SCAPER: variants seen among roughly 807,000 people sequenced by gnomAD.
SCAPER encodes S-phase cyclin A associated protein in the ER, also known as S phase cyclin A-associated protein in the endoplasmic reticulum.
In SCAPER, 98 loss-of-function variants were observed where a neutral mutation model predicts 182.2. That is an observed-to-expected ratio of 0.54 (90% CI 0.46 to 0.64). SCAPER has a LOEUF of 0.64. SCAPER is among the 30% of genes least tolerant of loss of function. The pLI, the probability that SCAPER is intolerant of heterozygous loss-of-function variation, is 0.00. For missense variants in SCAPER, 1,432 were observed against 1,690.0 expected, an observed-to-expected ratio of 0.85 and a Z score of 2.68; for synonymous variants, 605 against 564.6, an observed-to-expected ratio of 1.07 and a Z score of -1.01.
chr15:76,404,627 C>T lies in SCAPER; in HGVS notation c.3364G>A (p.Val1122Met). 6.2e-7 allele frequency: 1 copy of T among 1,613,372 alleles called. No homozygotes were observed. Among genetic ancestry groups the T allele is most frequent in the Non-Finnish European group, 8.5e-7 (1 of 1,179,772 alleles). The change falls in exon 27 of 32, where the codon GTG (valine) becomes ATG (methionine). Residue 1122 changes from valine (V) to methionine (M), a missense_variant. This residue lies in a region of SCAPER where 718 missense variants were observed against 799.7 expected (regional missense o/e 0.90). Transcript: ENST00000563290. The part of the protein sequence containing the change: ...IDKLCACFLS[V>M]QGPVDENPKM... ...GGATTCTCATCCACTGGGCCTTGCACCGAGAGGAAGCAGGCACACAGTTTG... is the reference window on the plus strand; with the variant it reads ...GGATTCTCATCCACTGGGCCTTGCATCGAGAGGAAGCAGGCACACAGTTTG...
At chr15:76,818,225 A>G (rs1008873150) in intron 5 of SCAPER, among the ~76,000 whole-genome samples, 4 of 152,246 alleles carry the variant, frequency 2.6e-5, no homozygotes, top group African/African-American at 9.6e-5. Context: ...ATGATGCTAG[A>G]ATAAATGGGA....
chr15:76,613,524 C>T (rs964483830), intron 22 of SCAPER, among the ~76,000 whole-genome samples: 24 of 151,938 alleles, frequency 1.6e-4, no homozygotes, highest in African/African-American at 5.8e-4. Flanking sequence ...AACTATGCAT[C>T]TAACAAAATA....
chr15:76,855,457 CAAAAAA>C (rs34226154), intron 4 of SCAPER, among the ~76,000 whole-genome samples: 45,772 of 116,604 alleles, frequency 0.39, 8,243 homozygotes, highest in Middle Eastern at 0.6. Flanking sequence ...TTCTGCACAG[CAAAAAA>C]AAAAAAAAAA....
intron 23 of SCAPER, among the ~76,000 whole-genome samples, chr15:76,520,295 T>C (rs951384374): frequency 6.6e-6 from 1 of 152,230 alleles, no homozygotes; most frequent in African/African-American, 2.4e-5. Context: ...CATAGGTCAC[T>C]GCAGCCTCCA....
intron 22 of SCAPER, among the ~76,000 whole-genome samples, chr15:76,599,512 A>G (rs1237096549): frequency 8.2e-6 from 1 of 122,408 alleles, no homozygotes; most frequent in South Asian, 2.5e-4. Flanking sequence ...AAACAAATCA[A>G]GGCTACATTT....
intron 17 of SCAPER, among the ~76,000 whole-genome samples, chr15:76,716,772 A>C (rs2059907988): frequency 6.6e-6 from 1 of 152,118 alleles, no homozygotes; most frequent in Non-Finnish European, 1.5e-5. Context: ...GAATGAAGAG[A>C]GCCTATGGGA....
At chr15:76,633,723 G>A (rs1163825703) in intron 21 of SCAPER, among the ~76,000 whole-genome samples, 2 of 152,198 alleles carry the variant, frequency 1.3e-5, no homozygotes, top group Non-Finnish European at 2.9e-5. Context: ...CAGCCACTGT[G>A]CTGCACTGTG....
In SCAPER at chr15:76,765,627, G is replaced by A. The variant is rs2063064958; in HGVS notation, c.1431C>T (p.Gly477=). ...DNDSDFSASM[G]SGSVSFCGMS... is the part of the protein sequence containing the mutation. ...TACCACAGAAAGAAACACTCCCACT[G>A]CCCATGCTGGCCTAAAATGTAATAA... The change falls in exon 12 of 32, where the codon GGC becomes GGT. Residue 477 remains glycine, a synonymous_variant. Coordinates refer to ENST00000563290, the MANE Select transcript of SCAPER (RefSeq NM_020843.4). The A allele has an allele frequency of 1.3e-6, 2 of 1,576,756 alleles. No homozygotes were observed. Among genetic ancestry groups the A allele is most frequent in the Non-Finnish European group, 1.7e-6 (2 of 1,159,952 alleles).
intron 23 of SCAPER, among the ~76,000 whole-genome samples, chr15:76,565,194 G>A (rs1490252166): frequency 2.0e-5 from 3 of 152,080 alleles, no homozygotes; most frequent in South Asian, 2.1e-4. Context: ...CTATTGCACA[G>A]AAAAAGAAAC....
intron 21 of SCAPER, among the ~76,000 whole-genome samples, chr15:76,658,518 T>C (rs977187105): frequency 1.6e-4 from 24 of 152,082 alleles, no homozygotes; most frequent in African/African-American, 5.8e-4. Context: ...TCTATTCCCA[T>C]CAAACTAACA....
intron 18 of SCAPER, 113 bp downstream of exon 18, chr15:76,705,790 G>A: frequency 1.4e-6 from 1 of 698,038 alleles, no homozygotes; most frequent in Non-Finnish European, 2.3e-6. Flanking sequence ...TATAAGCTTT[G>A]TTGTGCAAAG....
intron 5 of SCAPER, among the ~76,000 whole-genome samples, chr15:76,812,237 C>T (rs55993478): frequency 6.6e-6 from 1 of 152,150 alleles, no homozygotes; most frequent in South Asian, 2.1e-4. Context: ...TCATTTGAAT[C>T]TGGGAGGCAG....
At chr15:76,832,352 A>G (rs911810753) in intron 5 of SCAPER, among the ~76,000 whole-genome samples, 21 of 152,256 alleles carry the variant, frequency 1.4e-4, no homozygotes, top group Non-Finnish European at 1.3e-4. Context: ...AAGAATTAAT[A>G]AGAGAATACA....
intron 21 of SCAPER, among the ~76,000 whole-genome samples, chr15:76,625,505 T>C (rs1239356320): frequency 1.3e-5 from 2 of 152,180 alleles, no homozygotes; most frequent in African/African-American, 2.4e-5. Context: ...CTGGAGGCAG[T>C]AGCCAACTCT....
chr15:76,759,908 G>A (rs577170751), intron 14 of SCAPER, among the ~76,000 whole-genome samples: 4 of 152,212 alleles, frequency 2.6e-5, no homozygotes, highest in Admixed American at 2.0e-4. Context: ...CTGGAATACC[G>A]GTCTGTAGTT....
chr15:76,897,785 T>C (rs1568430726), intron 1 of SCAPER, among the ~76,000 whole-genome samples: 2 of 152,238 alleles, frequency 1.3e-5, no homozygotes, highest in Admixed American at 1.3e-4. Flanking sequence ...TCACTGCATC[T>C]TGTGCACTCC....
intron 8 of SCAPER, among the ~76,000 whole-genome samples, chr15:76,782,449 A>G (rs2064223723): frequency 6.6e-6 from 1 of 152,192 alleles, no homozygotes; most frequent in Non-Finnish European, 1.5e-5. Context: ...TTAATACCCC[A>G]CTATCCACAT....
intron 23 of SCAPER, among the ~76,000 whole-genome samples, chr15:76,552,761 AAC>A (rs1282376019): frequency 2.6e-5 from 4 of 152,068 alleles, no homozygotes; most frequent in Non-Finnish European, 4.4e-5. Context: ...CCCAGCCAGG[AAC>A]GTCAAGCACT....
chr15:76,532,174 C>G lies in SCAPER; in HGVS notation c.2839-27200G>C, dbSNP rs55695501. ...TGAGGCTGAATAGTTTTGTCATTCCCCAAGGCACACATCCAGGCACATCTG... is the reference window on the plus strand; with the variant it reads ...TGAGGCTGAATAGTTTTGTCATTCCGCAAGGCACACATCCAGGCACATCTG... On this transcript the variant is annotated intron_variant, in intron 23 of 31. Transcript: ENST00000563290. Among the ~76,000 whole-genome samples the G allele has an allele frequency of 2.0e-3, 312 of 152,224 alleles. 2 individuals are homozygous for G. Among genetic ancestry groups the G allele is most frequent in the Non-Finnish European group, 3.6e-3 (242 of 68,008 alleles).
Sources: allele counts gnomAD v4.1 joint callset (sites outside exome capture counted in the v4.1 genomes callset), GRCh38; gene constraint gnomAD v4.1.1; regional missense constraint gnomAD v4.1.1; transcripts MANE v1.5; gene names NCBI Gene and HGNC (gene_info 2026-07-23, HGNC 2026-07-21).